Variants in XRN1 observed in about 807,000 individuals in gnomAD.
XRN1 encodes strand-exchange protein 1 homolog.
A neutral mutation model predicts 222.3 loss-of-function variants in XRN1; 67 were observed. The ratio of observed to expected loss-of-function variants is 0.30; its 90% CI spans 0.25 to 0.37. The LOEUF (loss-of-function observed/expected upper bound fraction) is 0.37, where lower values mean the gene tolerates loss of function less well. XRN1 is among the 10% of genes least tolerant of loss of function. The pLI is 1.00. For missense variants in XRN1, 1,707 were observed against 2,000.2 expected (o/e 0.85, Z 2.80); for synonymous variants, 643 against 652.4 (o/e 0.99, Z 0.22).
chr3:142,316,695 A>C (rs1225310421), intron 39 of XRN1, among the ~76,000 whole-genome samples: 1 of 152,108 alleles, frequency 6.6e-6, no homozygotes, highest in African/African-American at 2.4e-5. Context: ...TACTACATCT[A>C]CAATTTGTTA....
rs910778959 is a variant in XRN1, at chr3:142,421,572, C to G, written c.968-29G>C. ...AAAGAAACAAAAATTTAAATCTGTA[C>G]TAAAAGCTGACATTTTTTCTAAACA... On this transcript the variant is annotated intron_variant, in intron 8 of 40. Transcript: ENST00000392981. The G allele has an allele frequency of 4.0e-6, 6 of 1,506,562 alleles. No individual in the cohort carries two copies. In the African/African-American group the frequency reaches 8.4e-5, roughly 21 times the overall value. 93.3% of individuals were successfully genotyped at this position (1,506,562 alleles called of 1,614,324 possible).
chr3:142,355,614 T>G (rs529806071), intron 31 of XRN1, 118 bp from the exon 32 acceptor site: 106 of 587,318 alleles, frequency 1.8e-4, no homozygotes, highest in African/African-American at 1.5e-3. Context: ...TATTAAACCT[T>G]TTTTTTTTGA....
rs2068233927 is a variant in XRN1 at position 142,403,720 on chromosome 3, T to G, written c.2057A>C (p.Glu686Ala). 1 of 1,613,234 alleles carries G rather than the reference T, an allele frequency of 6.2e-7. No individual in the cohort carries two copies. Among genetic ancestry groups the G allele is most frequent in the Non-Finnish European group, 8.5e-7 (1 of 1,179,620 alleles). The change falls in exon 18 of 41, where the codon GAA (glutamate) becomes GCA (alanine). Residue 686 changes from glutamate (E) to alanine (A), a missense_variant. Around this residue, in one of 2 missense-constraint regions of XRN1, gnomAD observed 1,234 missense variants for 1,518.2 expected, o/e 0.81. Coordinates refer to ENST00000392981, the MANE Select transcript of XRN1 (RefSeq NM_001282857.2). ...VQVFQQSSRG[E>A]NMMLEILVDA... ...CACTAAGATTTCCAACATCATGTTT[T>G]CTCCACGACTGCTTTGCTGGAATAC...
intron 39 of XRN1, chr3:142,313,178 C>T (rs1560277307): frequency 6.2e-7 from 1 of 1,611,700 alleles, no homozygotes; most frequent in Admixed American, 1.7e-5. Flanking sequence ...TCCCAGCCTA[C>T]AAAAAAACCA....
chr3:142,444,472 G>C (rs533844149), intron 1 of XRN1, among the ~76,000 whole-genome samples: 1 of 152,140 alleles, frequency 6.6e-6, no homozygotes, highest in African/African-American at 2.4e-5. Flanking sequence ...TTAGCTAGGC[G>C]TAGTGGCACA....
At chr3:142,351,842 A>T (rs1401282282) in intron 32 of XRN1, among the ~76,000 whole-genome samples, 1 of 151,390 alleles carries the variant, frequency 6.6e-6, no homozygotes, top group East Asian at 1.9e-4. Context: ...CCATCACCTC[A>T]ACCTCAAGGT....
chr3:142,368,664 T>C (rs2066893324), intron 27 of XRN1, among the ~76,000 whole-genome samples: 2 of 152,170 alleles, frequency 1.3e-5, no homozygotes, highest in Non-Finnish European at 2.9e-5. Context: ...TCACTCTACA[T>C]TGAAAGGCAA....
At chr3:142,349,919 T>C (rs1411853145) in intron 32 of XRN1, among the ~76,000 whole-genome samples, 2 of 152,022 alleles carry the variant, frequency 1.3e-5, no homozygotes. Flanking sequence ...CTCAAGGAAA[T>C]AGGAGATTTT....
At chr3:142,431,283 A>G (rs1047237731) in intron 2 of XRN1, among the ~76,000 whole-genome samples, 7 of 152,190 alleles carry the variant, frequency 4.6e-5, no homozygotes, top group Non-Finnish European at 5.9e-5. Flanking sequence ...TTTTTTCAGT[A>G]CAGATCTAGC....
At chr3:142,345,292 T>C (rs1327234896) in intron 33 of XRN1, among the ~76,000 whole-genome samples, 1 of 152,140 alleles carries the variant, frequency 6.6e-6, no homozygotes, top group East Asian at 1.9e-4. Context: ...GAAAATTCAA[T>C]GGGGAAAGAG....
chr3:142,420,833 A>C (rs2068998142), intron 10 of XRN1, among the ~76,000 whole-genome samples, 183 bp downstream of exon 10: 1 of 152,184 alleles, frequency 6.6e-6, no homozygotes, highest in African/African-American at 2.4e-5. Flanking sequence ...ATTATTGAAG[A>C]TCTCATTAAA....
At chr3:142,342,650 T>G (rs191437250) in intron 33 of XRN1, among the ~76,000 whole-genome samples, 54 of 152,260 alleles carry the variant, frequency 3.5e-4, no homozygotes, top group African/African-American at 1.3e-3. Flanking sequence ...ACATCTCATT[T>G]TTGACAAAGG....
chr3:142,374,014 GA>G (rs1220826712), intron 25 of XRN1, among the ~76,000 whole-genome samples: 1 of 151,956 alleles, frequency 6.6e-6, no homozygotes, highest in African/African-American at 2.4e-5. Context: ...ACAAAATTCT[GA>G]GGGAAAATAA....
intron 33 of XRN1, among the ~76,000 whole-genome samples, chr3:142,340,454 T>G (rs1001689244): frequency 1.3e-5 from 2 of 151,154 alleles, no homozygotes; most frequent in Non-Finnish European, 2.9e-5. Context: ...AGGGCAAATC[T>G]AAGATTATTA....
chr3:142,411,914 G>A (rs377761464), intron 15 of XRN1, among the ~76,000 whole-genome samples: 4 of 150,346 alleles, frequency 2.7e-5, no homozygotes, highest in East Asian at 2.0e-4. Flanking sequence ...CTCCGCCCCC[G>A]GGGGTTCACG....
intron 22 of XRN1, 97 bp from the exon 23 acceptor site, chr3:142,380,277 T>G: frequency 1.0e-6 from 1 of 993,914 alleles, no homozygotes; most frequent in South Asian, 1.7e-5. Context: ...GTATGACAAG[T>G]TGGATAGTGG....
At chr3:142,397,800 T>C (rs1013269983) in intron 19 of XRN1, among the ~76,000 whole-genome samples, 2 of 152,156 alleles carry the variant, frequency 1.3e-5, no homozygotes, top group African/African-American at 4.8e-5. Context: ...TTAGTGTATA[T>C]TTGAAAATAG....
chr3:142,327,071 G>A lies in XRN1; in HGVS notation c.4404+2363C>T, dbSNP rs187509551. ...ACTTCATCAGATATATCGGCCTGTAGTTCTCATTTTTTGTAGTGTCTTTCT... is the reference window on the plus strand; with the variant it reads ...ACTTCATCAGATATATCGGCCTGTAATTCTCATTTTTTGTAGTGTCTTTCT... On this transcript the variant is annotated intron_variant, in intron 37 of 40. Transcript: ENST00000392981. Among the ~76,000 whole-genome samples, 33 of 152,178 alleles carry A rather than the reference G, an allele frequency of 2.2e-4. 1 individual carries two copies. Among genetic ancestry groups the A allele is most frequent in the Admixed American group, 1.6e-3 (24 of 15,262 alleles).
At position 142,309,217 on chromosome 3, in the gene XRN1, A is replaced by G. The variant is rs900228176; in HGVS notation, c.*2294T>C. The G allele has an allele frequency of 6.6e-6, 1 of 152,010 alleles. No homozygotes were observed. The highest frequency in any genetic ancestry group is 2.4e-5 in the African/African-American group (1 of 41,386). 9.4% of individuals were successfully genotyped at this position (152,010 alleles called of 1,614,324 possible). A position where few individuals can be genotyped will look rare whatever the true frequency, so the allele number is the denominator to read the frequency against. ...TAATAATGTTAAAAAAAAAGTAAGG[A>G]TAATAAAACTTTTTTCTTTTTTTTG... On this transcript the variant is annotated 3_prime_UTR_variant, in exon 41 of 41. Coordinates refer to ENST00000392981, the MANE Select transcript of XRN1 (RefSeq NM_001282857.2).
Sources: allele counts gnomAD v4.1 joint callset (sites outside exome capture counted in the v4.1 genomes callset), GRCh38; gene constraint gnomAD v4.1.1; regional missense constraint gnomAD v4.1.1; transcripts MANE v1.5; gene names NCBI Gene and HGNC (gene_info 2026-07-23, HGNC 2026-07-21).